BICC1: variants seen among roughly 807,000 people sequenced by gnomAD.
The protein encoded by BICC1 is BicC family RNA binding protein 1.
Under a neutral mutation model 111.0 loss-of-function variants are expected in BICC1, and 43 were observed. The ratio of observed to expected loss-of-function variants is 0.39; its 90% CI spans 0.30 to 0.50. The LOEUF (loss-of-function observed/expected upper bound fraction) is 0.50, where lower values mean the gene tolerates loss of function less well. Ranked by LOEUF, BICC1 falls within the 20% of genes least tolerant of loss-of-function variation. BICC1 has a pLI of 0.88. For missense variants in BICC1, 1,091 were observed against 1,203.2 expected (o/e 0.91, Z 1.38); for synonymous variants, 467 against 434.4 (o/e 1.07, Z -0.93).
chr10:58,547,500 G>A (rs1448166444), intron 1 of BICC1, among the ~76,000 whole-genome samples: 1 of 152,124 alleles, frequency 6.6e-6, no homozygotes, highest in African/African-American at 2.4e-5. Context: ...TCACCTGGCT[G>A]AGGTGGTAGT....
intron 15 of BICC1, among the ~76,000 whole-genome samples, chr10:58,804,001 A>G (rs954356607): frequency 2.6e-5 from 4 of 152,344 alleles, no homozygotes; most frequent in Non-Finnish European, 5.9e-5. Flanking sequence ...AAAAAGAGGA[A>G]GAACGTTCCA....
intron 1 of BICC1, among the ~76,000 whole-genome samples, chr10:58,538,871 C>T (rs1431591892): frequency 6.6e-6 from 1 of 151,504 alleles, no homozygotes; most frequent in African/African-American, 2.4e-5. Context: ...AGTTAAAACG[C>T]AACAAGATAC....
intron 1 of BICC1, among the ~76,000 whole-genome samples, chr10:58,543,610 A>G (rs1370361070): frequency 2.0e-5 from 3 of 152,082 alleles, no homozygotes; most frequent in African/African-American, 7.2e-5. Flanking sequence ...CCTGGGCTCA[A>G]GCAGTACTCC....
chr10:58,805,307 A>AAC (rs1253471758), intron 15 of BICC1, among the ~76,000 whole-genome samples: 3 of 144,880 alleles, frequency 2.1e-5, no homozygotes, highest in African/African-American at 7.8e-5. Flanking sequence ...ACAAACAAAC[A>AAC]AACAAACAAA....
intron 1 of BICC1, among the ~76,000 whole-genome samples, chr10:58,575,467 T>C (rs979102890): frequency 1.3e-5 from 2 of 152,164 alleles, no homozygotes; most frequent in African/African-American, 4.8e-5. Context: ...TGCCTTTGAG[T>C]ATTATGAAAG....
intron 20 of BICC1, among the ~76,000 whole-genome samples, chr10:58,827,222 A>G (rs998205767): frequency 6.6e-6 from 1 of 152,218 alleles, no homozygotes; most frequent in Non-Finnish European, 1.5e-5. Context: ...AGGATTGTCA[A>G]GGTTGTAGAA....
rs569715988 is a variant in BICC1 at position 58,662,292 on chromosome 10, C to T, written c.238-39782C>T. ...TGTTAAAAAACACAATTTATAATTT[C>T]GTTTCTAAAATTATCTGAAGGAATT... On this transcript the variant is annotated intron_variant, in intron 2 of 20. Coordinates refer to ENST00000373886, the MANE Select transcript of BICC1 (RefSeq NM_001080512.3). Among the ~76,000 whole-genome samples the T allele has an allele frequency of 3.7e-4, 56 of 152,240 alleles. 1 individual carries two copies. The South Asian group carries it at 9.1e-3, about 25-fold the overall frequency.
In BICC1 at chr10:58,772,290, A is replaced by AAAAAAGAG. The variant is rs200427558; in HGVS notation, c.308-12710_308-12703dup. ...ATAAAATACACAAGATTTTTTTTTA[A>AAAAAAGAG]AAAAAGAGCAAGAGTTAAACAACAA... On this transcript the variant is annotated intron_variant, in intron 3 of 20. Coordinates refer to ENST00000373886, the MANE Select transcript of BICC1 (RefSeq NM_001080512.3). Among the ~76,000 whole-genome samples the AAAAAAGAG allele has an allele frequency of 2.8e-3, 422 of 152,222 alleles. 1 individual carries two copies. The highest frequency in any genetic ancestry group is 9.7e-3 in the African/African-American group (403 of 41,542).
intron 2 of BICC1, among the ~76,000 whole-genome samples, chr10:58,628,490 T>A (rs151017594): frequency 6.6e-6 from 1 of 152,142 alleles, no homozygotes; most frequent in Admixed American, 6.6e-5. Flanking sequence ...AGGTGTAAAA[T>A]TTTTTTAAGA....
At chr10:58,816,794 T>TGTGTGTGA (rs1844107177) in intron 18 of BICC1, among the ~76,000 whole-genome samples, 1 of 132,858 alleles carries the variant, frequency 7.5e-6, no homozygotes, top group African/African-American at 2.8e-5. Flanking sequence ...TGTGTGTGTG[T>TGTGTGTGA]GACTTACTTG....
intron 2 of BICC1, among the ~76,000 whole-genome samples, chr10:58,672,102 T>G (rs1207863043): frequency 1.3e-5 from 2 of 152,196 alleles, no homozygotes; most frequent in Non-Finnish European, 2.9e-5. Flanking sequence ...ACATGAAATT[T>G]ACCATTTTAA....
chr10:58,624,340 C>T (rs890687147), intron 2 of BICC1, among the ~76,000 whole-genome samples: 5 of 152,272 alleles, frequency 3.3e-5, no homozygotes, highest in South Asian at 2.1e-4. Flanking sequence ...CTTCAACATA[C>T]GACTTTTTGG....
At chr10:58,548,683 C>A (rs940768325) in intron 1 of BICC1, among the ~76,000 whole-genome samples, 2 of 152,202 alleles carry the variant, frequency 1.3e-5, no homozygotes, top group Non-Finnish European at 2.9e-5. Flanking sequence ...TTTACTGTCA[C>A]TGTAGTTTTG....
chr10:58,786,350 C>G (rs908479878), intron 4 of BICC1, among the ~76,000 whole-genome samples: 1 of 152,132 alleles, frequency 6.6e-6, no homozygotes, highest in Non-Finnish European at 1.5e-5. Flanking sequence ...GACCAGTTAT[C>G]TGCACTTTAT....
In BICC1 at chr10:58,513,173, G is replaced by A; in HGVS notation, c.30G>A (p.Leu10=). The A allele has an allele frequency of 6.4e-7, 1 of 1,572,366 alleles. No homozygotes were observed. The highest frequency in any genetic ancestry group is 8.6e-7 in the Non-Finnish European group (1 of 1,161,774). ...CCGCCCAGGGAGAGCCCGGCTACCT[G>A]GCGGCGCAGTCGGACCCCGGCTCCA... is the stretch of plus-strand genomic sequence containing the variant. MAAQGEPGY[L]AAQSDPGSNS... is the part of the protein sequence containing the mutation. Residue 10 remains leucine, a synonymous_variant, in exon 1 of 21, where the codon CTG becomes CTA. Coordinates refer to ENST00000373886, the MANE Select transcript of BICC1 (RefSeq NM_001080512.3).
At chr10:58,633,850 G>A (rs1215580833) in intron 2 of BICC1, among the ~76,000 whole-genome samples, 1 of 152,082 alleles carries the variant, frequency 6.6e-6, no homozygotes, top group East Asian at 1.9e-4. Context: ...GCACACTCTG[G>A]TATTAGCATT....
intron 3 of BICC1, among the ~76,000 whole-genome samples, chr10:58,733,059 A>G (rs1400369107): frequency 1.3e-5 from 2 of 152,100 alleles, no homozygotes; most frequent in African/African-American, 4.8e-5. Context: ...TACAGTATCT[A>G]TAAAGCATAA....
chr10:58,593,801 C>T (rs1447718304), intron 1 of BICC1, among the ~76,000 whole-genome samples: 1 of 152,010 alleles, frequency 6.6e-6, no homozygotes, highest in Non-Finnish European at 1.5e-5. Flanking sequence ...ATTCCAAAAA[C>T]CAGAACGCCT....
intron 3 of BICC1, among the ~76,000 whole-genome samples, chr10:58,733,750 A>G (rs547781680): frequency 6.6e-6 from 1 of 152,244 alleles, no homozygotes; most frequent in Non-Finnish European, 1.5e-5. Context: ...GCCTAGCATC[A>G]TAAATGCATT....
Sources: allele counts gnomAD v4.1 joint callset (sites outside exome capture counted in the v4.1 genomes callset), GRCh38; gene constraint gnomAD v4.1.1; transcripts MANE v1.5; gene names NCBI Gene and HGNC (gene_info 2026-07-23, HGNC 2026-07-21).